Variants in CTXND2 observed in about 807,000 individuals in gnomAD.
The protein encoded by CTXND2 is cortexin domain containing 2.
At chr1:150,912,519 G>T in exon 2 of CTXND2, 2 of 398,522 alleles carry the variant, frequency 5.0e-6, no homozygotes, top group South Asian at 1.3e-4. Context: ...CCAAGCAAGA[G>T]ATTTGAAATC....
intron 1 of CTXND2, among the ~76,000 whole-genome samples, chr1:150,911,576 G>A (rs1484130951): frequency 1.3e-5 from 2 of 151,928 alleles, no homozygotes. Context: ...GGGATTACAG[G>A]TGCCCGCCAT....
chr1:150,887,738 C>T (rs1277286501), intron 1 of CTXND2, among the ~76,000 whole-genome samples: 1 of 152,124 alleles, frequency 6.6e-6, no homozygotes, highest in African/African-American at 2.4e-5. Context: ...ACCATCATCT[C>T]TCTCTTTGCA....
intron 1 of CTXND2, among the ~76,000 whole-genome samples, chr1:150,905,896 A>G (rs587654504): frequency 7.9e-5 from 12 of 151,766 alleles, no homozygotes; most frequent in Admixed American, 7.9e-4. Flanking sequence ...AGGCTGAGGC[A>G]GGAGAATGGC....
At chr1:150,902,397 A>G (rs1402524500) in intron 1 of CTXND2, among the ~76,000 whole-genome samples, 1 of 149,314 alleles carries the variant, frequency 6.7e-6, no homozygotes, top group Non-Finnish European at 1.5e-5. Flanking sequence ...ACAGAGAGAG[A>G]CTGCCTCAAA....
intron 1 of CTXND2, among the ~76,000 whole-genome samples, chr1:150,900,724 C>G (rs961024957): frequency 1.3e-5 from 2 of 151,972 alleles, no homozygotes; most frequent in Admixed American, 6.6e-5. Flanking sequence ...GGGGTAATAT[C>G]CCTAGTGTAT....
At chr1:150,889,772 G>T (rs587632052) in intron 1 of CTXND2, among the ~76,000 whole-genome samples, 19 of 152,068 alleles carry the variant, frequency 1.2e-4, no homozygotes, top group African/African-American at 2.7e-4. Flanking sequence ...ACTGTTGTAT[G>T]CACTATGTGC....
At chr1:150,893,705 T>C (rs1003780734) in intron 1 of CTXND2, among the ~76,000 whole-genome samples, 1 of 152,118 alleles carries the variant, frequency 6.6e-6, no homozygotes, top group African/African-American at 2.4e-5. Context: ...GCAATCCTGC[T>C]GCCTCAGCCT....
intron 1 of CTXND2, among the ~76,000 whole-genome samples, chr1:150,890,688 A>G (rs1335407110): frequency 6.6e-6 from 1 of 151,974 alleles, no homozygotes. Flanking sequence ...TTTTTAGTAG[A>G]GACGGGGTTT....
chr1:150,910,866 G>A (rs587653544), intron 1 of CTXND2, among the ~76,000 whole-genome samples: 128 of 151,600 alleles, frequency 8.4e-4, no homozygotes, highest in African/African-American at 2.9e-3. Context: ...GTGCAGTGGC[G>A]TGATCTCGGC....
At chr1:150,889,442 G>C (rs756043145) in intron 1 of CTXND2, among the ~76,000 whole-genome samples, 14 of 149,408 alleles carry the variant, frequency 9.4e-5, no homozygotes, top group Non-Finnish European at 2.1e-4. Flanking sequence ...ATAATTCTAT[G>C]AATGGCATCA....
chr1:150,899,339 G>A (rs957802429), intron 1 of CTXND2, among the ~76,000 whole-genome samples: 4 of 151,898 alleles, frequency 2.6e-5, no homozygotes, highest in Non-Finnish European at 4.4e-5. Context: ...GGAAGCTGAA[G>A]CAAGAGGATC....
At chr1:150,912,415 G>A (rs184833707) in exon 2 of CTXND2, 15 of 398,414 alleles carry the variant, frequency 3.8e-5, no homozygotes, top group East Asian at 1.8e-4. Flanking sequence ...ATGATTTTTC[G>A]GTGTGCCAAG....
intron 1 of CTXND2, among the ~76,000 whole-genome samples, chr1:150,891,113 G>A (rs950989370): frequency 1.3e-5 from 2 of 151,970 alleles, no homozygotes; most frequent in South Asian, 2.1e-4. Context: ...GGAAATGGAC[G>A]TTTGCCCTGT....
intron 1 of CTXND2, among the ~76,000 whole-genome samples, chr1:150,908,938 C>A (rs1368284251): frequency 6.6e-6 from 1 of 151,064 alleles, no homozygotes; most frequent in African/African-American, 2.4e-5. Context: ...TGATAATAAG[C>A]TTCTTAAAGT....
chr1:150,895,393 C>T (rs1668903040), intron 1 of CTXND2, among the ~76,000 whole-genome samples: 1 of 151,602 alleles, frequency 6.6e-6, no homozygotes, highest in Non-Finnish European at 1.5e-5. Flanking sequence ...GCCCAGGCTG[C>T]AGTGCAGAGA....
intron 1 of CTXND2, among the ~76,000 whole-genome samples, chr1:150,894,891 C>T (rs587766538): frequency 4.6e-5 from 7 of 151,988 alleles, no homozygotes; most frequent in East Asian, 3.9e-4. Flanking sequence ...AAAAATTAGC[C>T]GGATGTGGTG....
rs781644210 is a variant in CTXND2 at position 150,898,152 on chromosome 1, G to GT, written c.-74+10839_-74+10840insT. Among the ~76,000 whole-genome samples the GT allele has an allele frequency of 5.6e-3, 726 of 129,578 alleles. 2 individuals carry two copies. The highest frequency in any genetic ancestry group is 0.018 in the African/African-American group (679 of 37,276). The allele number at this position is 129,578 out of a possible 152,430, so 85.0% of individuals were successfully genotyped here. A position where few individuals can be genotyped will look rare whatever the true frequency, so the allele number is the denominator to read the frequency against. On this transcript the variant is annotated intron_variant, in intron 1 of 1. Transcript: ENST00000636087. ...CAAGAAGCTAGCACTATAGATGTGG[G>GT]GTTTTTTTTTTTGTCTTTCTAGGAT...
At chr1:150,902,404 C>CAA (rs796914143) in intron 1 of CTXND2, among the ~76,000 whole-genome samples, 5 of 124,052 alleles carry the variant, frequency 4.0e-5, no homozygotes, top group Admixed American at 8.3e-5. Context: ...GAGACTGCCT[C>CAA]AAAAAAAAAA....
chr1:150,908,403 A>G (rs1669190834), intron 1 of CTXND2, among the ~76,000 whole-genome samples: 1 of 152,148 alleles, frequency 6.6e-6, no homozygotes, highest in Admixed American at 6.5e-5. Context: ...GAGGGTTTCA[A>G]TTACTTTCTA....
Sources: gnomAD v4.1 joint callset for allele counts (sites outside exome capture counted in the v4.1 genomes callset) on GRCh38, gnomAD v4.1.1 for gene constraint, MANE v1.5 for transcripts, NCBI Gene and HGNC (gene_info 2026-07-23, HGNC 2026-07-21) for gene names.